ABHD14B: variants seen among roughly 807,000 people sequenced by gnomAD.
The protein encoded by ABHD14B is putative protein-lysine deacylase ABHD14B.
ABHD14B carries 19 observed loss-of-function variants against 15.4 expected under a neutral mutation model. The observed-to-expected ratio is 1.23, with a 90% CI of 0.86 to 1.81. The LOEUF is 1.81. ABHD14B is among the 40% of genes most tolerant of loss of function. ABHD14B has a pLI of 0.00. For synonymous variants in ABHD14B, 92 were observed against 117.3 expected (o/e 0.78, Z 1.39); for missense variants, 243 against 267.0 (o/e 0.91, Z 0.63).
intron 2 of ABHD14B, 68 bp from the exon 3 acceptor site, chr3:51,970,252 C>T: frequency 6.6e-7 from 1 of 1,513,320 alleles, no homozygotes; most frequent in South Asian, 1.4e-5. Flanking sequence ...GAGATGGTTG[C>T]TCTCTCCAGG....
chr3:51,972,382 G>T (rs1700674836), intron 1 of ABHD14B, among the ~76,000 whole-genome samples: 1 of 151,058 alleles, frequency 6.6e-6, no homozygotes, highest in African/African-American at 2.4e-5. Flanking sequence ...TCTCCCTGAT[G>T]AACATGCAGA....
chr3:51,969,724 G>T, intron 3 of ABHD14B, 119 bp from the exon 4 acceptor site: 2 of 1,428,760 alleles, frequency 1.4e-6, no homozygotes, highest in Non-Finnish European at 1.9e-6. Flanking sequence ...AGACAAGCTG[G>T]CCCAGTGGGT....
At chr3:51,973,702 C>G (rs1005926834) in intron 1 of ABHD14B, 5 of 520,552 alleles carry the variant, frequency 9.6e-6, no homozygotes, top group South Asian at 3.5e-5. Flanking sequence ...AGGCGGAAAC[C>G]GAAGCGCCCA....
At position 51,970,079 on chromosome 3, in the gene ABHD14B, A is replaced by AC; in HGVS notation, c.316dup (p.Val106GlyfsTer35). 2 of 1,607,716 alleles carry AC rather than the reference A, an allele frequency of 1.2e-6. No homozygotes were observed. Among genetic ancestry groups the AC allele is most frequent in the South Asian group, 1.1e-5 (1 of 90,476 alleles). ...GCCACTCAGTGATGGACTGATCACA[A>AC]CCGGGGGGCCCAGCTCCAAGGCATC... On this transcript the variant is annotated frameshift_variant, in exon 3 of 4. Coordinates refer to ENST00000361143, the MANE Select transcript of ABHD14B (RefSeq NM_001146314.2). LOFTEE classifies it high-confidence loss of function.
chr3:51,969,765 A>G (rs1389974047), intron 3 of ABHD14B, 160 bp from the exon 4 acceptor site: 7 of 1,398,740 alleles, frequency 5.0e-6, no homozygotes, highest in African/African-American at 1.4e-5. Context: ...GCCCCAGAAC[A>G]CAGTTTAGCA....
At chr3:51,973,784 C>T (rs1700714502) in intron 1 of ABHD14B, 181 bp downstream of exon 1, 2 of 1,260,226 alleles carry the variant, frequency 1.6e-6, no homozygotes, top group African/African-American at 1.5e-5. Flanking sequence ...GCGTTGACCT[C>T]GCGGTCAGGT....
rs74823465 is a variant in ABHD14B, at chr3:51,973,933, A to G, written c.-29+32T>C. 482 of 1,289,686 alleles carry G rather than the reference A, an allele frequency of 3.7e-4. 1 individual carries two copies. The African/African-American group carries it at 6.1e-3, about 16-fold the overall frequency. The allele number at this position is 1,289,686 out of a possible 1,614,324, so 79.9% of individuals were successfully genotyped here. A position where few individuals can be genotyped will look rare whatever the true frequency, so the allele number is the denominator to read the frequency against. On this transcript the variant is annotated intron_variant, in intron 1 of 3. Transcript: ENST00000361143. ...AGGTGGGGTTGGATTTTGACTGGAGAGAAGAAAGGGTCAGGAGTGCAGGGC... is the reference window on the plus strand; with the variant it reads ...AGGTGGGGTTGGATTTTGACTGGAGGGAAGAAAGGGTCAGGAGTGCAGGGC...
rs1553723703 is a variant in ABHD14B, at chr3:51,973,507, T to TTTTTTTTTTTTTC, written c.-29+457_-29+458insGAAAAAAAAAAAA. Among the ~76,000 whole-genome samples the TTTTTTTTTTTTTC allele has an allele frequency of 4.6e-4, 61 of 131,974 alleles. No homozygotes were observed. In the East Asian group the frequency reaches 7.3e-3, roughly 16 times the overall value. 86.6% of individuals were successfully genotyped at this position (131,974 alleles called of 152,430 possible). Reference sequence around the variant, plus strand: ...GAACTAAAAGCCCATTTTCTTCGGTTTTTTTTTTTTTCTTTTTTTTTTTTT... The same window carrying TTTTTTTTTTTTTC: ...GAACTAAAAGCCCATTTTCTTCGGTTTTTTTTTTTTTTCTTTTTTTTTTTCTTTTTTTTTTTTT... On this transcript the variant is annotated intron_variant, in intron 1 of 3. Transcript: ENST00000361143.
At chr3:51,970,537 T>G in intron 2 of ABHD14B, 2 of 538,406 alleles carry the variant, frequency 3.7e-6, no homozygotes, top group Admixed American at 4.5e-5. Context: ...TTTCCCCATC[T>G]GTTAAAGGGG....
At chr3:51,973,509 T>TTTTTTTTTTTTC (rs1392760942) in intron 1 of ABHD14B, among the ~76,000 whole-genome samples, 22 of 141,766 alleles carry the variant, frequency 1.6e-4, no homozygotes, top group African/African-American at 6.9e-4. Flanking sequence ...TCTTCGGTTT[T>TTTTTTTTTTTTC]TTTTTTTTTC....
intron 2 of ABHD14B, chr3:51,970,911 T>A: frequency 2.2e-6 from 1 of 450,028 alleles, no homozygotes; most frequent in South Asian, 1.6e-5. Flanking sequence ...ACTGATCCCA[T>A]CTACCCTAGA....
At chr3:51,973,404 C>A (rs1700699286) in intron 1 of ABHD14B, among the ~76,000 whole-genome samples, 1 of 150,316 alleles carries the variant, frequency 6.7e-6, no homozygotes, top group Admixed American at 6.6e-5. Context: ...CGAGCTGGTC[C>A]GGAACTCCTG....
chr3:51,971,690 G>C lies in ABHD14B; in HGVS notation c.-20C>G. The C allele has an allele frequency of 6.2e-7, 1 of 1,608,852 alleles. No individual in the cohort carries two copies. The highest frequency in any genetic ancestry group is 8.5e-7 in the Non-Finnish European group (1 of 1,178,306). ...TGCCATGCCTGCTGCTGCTGTGCTG[G>C]TGAAGGGCCTGTGGTTCAAAACCAC... On this transcript the variant is annotated 5_prime_UTR_variant, in exon 2 of 4. Coordinates refer to ENST00000361143, the MANE Select transcript of ABHD14B (RefSeq NM_001146314.2).
intron 1 of ABHD14B, chr3:51,973,764 G>C: frequency 8.7e-7 from 1 of 1,153,708 alleles, no homozygotes; most frequent in Non-Finnish European, 1.2e-6. Flanking sequence ...GCTGCCACCT[G>C]GGGCCCAACG....
At chr3:51,973,654 C>T (rs573066226) in intron 1 of ABHD14B, 2 of 379,618 alleles carry the variant, frequency 5.3e-6, no homozygotes, top group Admixed American at 3.5e-5. Flanking sequence ...TAGCTGGAAC[C>T]ACAGGCGCGC....
At chr3:51,971,387 A>G (rs1309427790) in intron 2 of ABHD14B, 73 bp downstream of exon 2, 11 of 1,429,528 alleles carry the variant, frequency 7.7e-6, no homozygotes, top group South Asian at 1.5e-5. Flanking sequence ...GAGGGGCTAC[A>G]TGTTATAGGA....
chr3:51,969,623 G>C lies in ABHD14B; in HGVS notation c.454-18C>G. ...GCTGGAGTCTGAGAGGAAGGATAGG[G>C]GGGTGGGGCAGAGTCAACAGGGACC... On this transcript the variant is annotated intron_variant, in intron 3 of 3. Transcript: ENST00000361143. The C allele has an allele frequency of 1.1e-5, 17 of 1,603,972 alleles. No homozygotes were observed. Among genetic ancestry groups the C allele is most frequent in the Non-Finnish European group, 1.4e-5 (16 of 1,174,288 alleles).
At position 51,969,002 on chromosome 3, in the gene ABHD14B, A is replaced by T. The variant is rs912868038; in HGVS notation, c.*424T>A. On this transcript the variant is annotated 3_prime_UTR_variant, in exon 4 of 4. Coordinates refer to ENST00000361143, the MANE Select transcript of ABHD14B (RefSeq NM_001146314.2). ...GATGGCTCTAAACATGTAAGCGTGC[A>T]TGTGGGCATGTATGTATCTGGGGCC... 2 of 173,966 alleles carry T rather than the reference A, an allele frequency of 1.1e-5. No individual in the cohort carries two copies. The highest frequency in any genetic ancestry group is 4.8e-5 in the African/African-American group (2 of 41,890). 10.8% of individuals were successfully genotyped at this position (173,966 alleles called of 1,614,324 possible).
chr3:51,970,065 A>T lies in ABHD14B; in HGVS notation c.331T>A (p.Ser111Thr), dbSNP rs1024471782. ...ELGPPVVISPSLSGMYSLPFL... is the reference protein window; with the variant it reads ...ELGPPVVISPTLSGMYSLPFL... ...GGCAGGGAGTACATGCCACTCAGTGATGGACTGATCACAACCGGGGGGCCC... is the reference window on the plus strand; with the variant it reads ...GGCAGGGAGTACATGCCACTCAGTGTTGGACTGATCACAACCGGGGGGCCC... The change falls in exon 3 of 4, where the codon TCA (serine) becomes ACA (threonine). Residue 111 changes from serine (S) to threonine (T), a missense_variant. Physicochemically the swap from Ser to Thr is moderately conservative, Grantham distance 58 (BLOSUM62 1). Transcript: ENST00000361143. 4 of 1,613,324 alleles carry T rather than the reference A, an allele frequency of 2.5e-6. No homozygotes were observed. The highest frequency in any genetic ancestry group is 3.4e-6 in the Non-Finnish European group (4 of 1,179,522).
Sources: gnomAD v4.1 joint callset for allele counts (sites outside exome capture counted in the v4.1 genomes callset) on GRCh38, gnomAD v4.1.1 for gene constraint, MANE v1.5 for transcripts, NCBI Gene and HGNC (gene_info 2026-07-23, HGNC 2026-07-21) for gene names.